RBFOX1: variants seen among roughly 807,000 people sequenced by gnomAD.
RBFOX1 encodes the protein RNA binding protein fox-1 homolog 1.
RBFOX1 carries 8 observed loss-of-function variants against 57.7 expected under a neutral mutation model. That is an observed-to-expected ratio of 0.14 (90% confidence interval 0.08 to 0.25). The LOEUF (loss-of-function observed/expected upper bound fraction) is 0.25. Among genes scored for constraint, RBFOX1 ranks in the 10% least tolerant of loss-of-function variants. The pLI is 1.00. For synonymous variants in RBFOX1, 326 were observed against 222.4 expected, an observed-to-expected ratio of 1.47 and a Z score of -4.15; for missense variants, 611 against 548.5, an observed-to-expected ratio of 1.11 and a Z score of -1.14.
At chr16:6,585,220 A>T (rs1388630152) in intron 2 of RBFOX1, among the ~76,000 whole-genome samples, 1 of 152,184 alleles carries the variant, frequency 6.6e-6, no homozygotes, top group African/African-American at 2.4e-5. Context: ...TCCTTAATAG[A>T]TAACTATCAT....
chr16:5,909,532 C>T (rs148713260), intron 4 of RBFOX1, among the ~76,000 whole-genome samples: 46 of 152,340 alleles, frequency 3.0e-4, no homozygotes, highest in African/African-American at 9.9e-4. Flanking sequence ...TTGACAGGTG[C>T]AGGAGGCACG....
At chr16:6,573,221 T>C (rs1161222400) in intron 2 of RBFOX1, among the ~76,000 whole-genome samples, 2 of 152,142 alleles carry the variant, frequency 1.3e-5, no homozygotes, top group Non-Finnish European at 2.9e-5. Context: ...CAACGTTAAA[T>C]CAGCCATCAG....
At chr16:6,829,569 C>A (rs1462085384) in intron 3 of RBFOX1, among the ~76,000 whole-genome samples, 1 of 151,054 alleles carries the variant, frequency 6.6e-6, no homozygotes, top group Non-Finnish European at 1.5e-5. Flanking sequence ...CAGGTATTTG[C>A]ATAATCATGT....
intron 3 of RBFOX1, among the ~76,000 whole-genome samples, chr16:6,655,337 G>A (rs1018427994): frequency 3.3e-5 from 4 of 120,004 alleles, no homozygotes; most frequent in South Asian, 2.8e-4. Flanking sequence ...TTGCACCAGC[G>A]CACTCCAGCC....
intron 3 of RBFOX1, among the ~76,000 whole-genome samples, chr16:6,864,586 A>G (rs2059586918): frequency 6.6e-6 from 1 of 151,368 alleles, no homozygotes; most frequent in Non-Finnish European, 1.5e-5. Context: ...ATACATCAAA[A>G]CAGGCTGGAT....
chr16:6,512,834 A>T (rs376999439), intron 2 of RBFOX1, among the ~76,000 whole-genome samples: 25 of 152,268 alleles, frequency 1.6e-4, no homozygotes, highest in African/African-American at 4.8e-4. Flanking sequence ...CTCTAGGTCA[A>T]ATGATCCAAT....
At chr16:5,439,028 A>T (rs1002095823) in intron 1 of RBFOX1, among the ~76,000 whole-genome samples, 2 of 84,288 alleles carry the variant, frequency 2.4e-5, no homozygotes, top group African/African-American at 8.6e-5. Flanking sequence ...GTGGTAGAGA[A>T]TAATGGGGGG....
At chr16:5,271,882 A>C (rs776233099) in intron 1 of RBFOX1, among the ~76,000 whole-genome samples, 1 of 152,188 alleles carries the variant, frequency 6.6e-6, no homozygotes, top group Non-Finnish European at 1.5e-5. Flanking sequence ...ATTTCACTTA[A>C]CACAGTGTCT....
intron 3 of RBFOX1, among the ~76,000 whole-genome samples, chr16:5,658,762 G>A (rs1470774681): frequency 7.9e-4 from 109 of 138,724 alleles, no homozygotes; most frequent in African/African-American, 2.2e-3. Context: ...ATATATATGT[G>A]TATGTATATA....
chr16:7,681,125 A>G (rs1006690464), intron 14 of RBFOX1, among the ~76,000 whole-genome samples: 2 of 152,214 alleles, frequency 1.3e-5, no homozygotes, highest in Non-Finnish European at 2.9e-5. Context: ...ATAAGTAGGC[A>G]TATTTTCAGG....
At chr16:5,661,999 G>A (rs1390894517) in intron 3 of RBFOX1, among the ~76,000 whole-genome samples, 1 of 151,952 alleles carries the variant, frequency 6.6e-6, no homozygotes, top group Admixed American at 6.6e-5. Flanking sequence ...ATGTTAGCAG[G>A]GTGGTCTCCA....
chr16:7,602,966 AAC>A (rs1472694022), intron 9 of RBFOX1, among the ~76,000 whole-genome samples: 3 of 152,212 alleles, frequency 2.0e-5, no homozygotes, highest in Admixed American at 2.0e-4. Flanking sequence ...ATGGAAATTC[AAC>A]AGTGTGCTCC....
intron 1 of RBFOX1, among the ~76,000 whole-genome samples, chr16:5,243,556 T>A (rs1323587186): frequency 6.6e-6 from 1 of 152,158 alleles, no homozygotes; most frequent in Non-Finnish European, 1.5e-5. Context: ...GTGGTCTCCA[T>A]CCTCTAGGTG....
intron 4 of RBFOX1, among the ~76,000 whole-genome samples, chr16:7,367,184 G>T (rs2097468878): frequency 6.6e-6 from 1 of 152,124 alleles, no homozygotes; most frequent in Non-Finnish European, 1.5e-5. Context: ...GACACTCTGG[G>T]GAATGGCTGA....
intron 5 of RBFOX1, among the ~76,000 whole-genome samples, chr16:7,541,401 G>C (rs1408630424): frequency 1.3e-5 from 2 of 152,004 alleles, no homozygotes; most frequent in Non-Finnish European, 2.9e-5. Flanking sequence ...ATAGGAGATT[G>C]CTCCTTTCTG....
intron 4 of RBFOX1, among the ~76,000 whole-genome samples, chr16:5,984,545 C>A (rs2060243802): frequency 6.6e-6 from 1 of 152,076 alleles, no homozygotes; most frequent in Non-Finnish European, 1.5e-5. Flanking sequence ...GAATTACTTA[C>A]CTAACCCTTG....
chr16:6,123,978 C>T (rs1334330462), intron 1 of RBFOX1, among the ~76,000 whole-genome samples: 2 of 152,154 alleles, frequency 1.3e-5, no homozygotes, highest in Non-Finnish European at 1.5e-5. Flanking sequence ...GCATATACCG[C>T]TTAAAAAAAT....
intron 4 of RBFOX1, among the ~76,000 whole-genome samples, chr16:7,178,915 C>A (rs756813810): frequency 6.6e-6 from 1 of 151,994 alleles, no homozygotes; most frequent in Non-Finnish European, 1.5e-5. Flanking sequence ...TTAACAAGAT[C>A]GTAAATAATA....
intron 3 of RBFOX1, among the ~76,000 whole-genome samples, chr16:6,898,318 C>G: frequency 6.6e-6 from 1 of 152,120 alleles, no homozygotes; most frequent in Non-Finnish European, 1.5e-5. Context: ...CAGAGCATAG[C>G]TTCCCCTTGG....
Sources: allele counts gnomAD v4.1 joint callset (sites outside exome capture counted in the v4.1 genomes callset), GRCh38; gene constraint gnomAD v4.1.1; transcripts MANE v1.5; gene names NCBI Gene and HGNC (gene_info 2026-07-23, HGNC 2026-07-21).